Variants in GALK2 observed in about 807,000 individuals in gnomAD.
GALK2 encodes the protein galactokinase 2, also known as N-acetylgalactosamine kinase.
In GALK2, 36 loss-of-function variants were observed where a neutral mutation model predicts 52.4. The ratio of observed to expected loss-of-function variants is 0.69; its 90% confidence interval spans 0.53 to 0.91. The LOEUF (loss-of-function observed/expected upper bound fraction) is 0.91. Ranked by LOEUF, GALK2 falls within the 40% of genes least tolerant of loss-of-function variation. GALK2 has a pLI of 0.00. For missense variants in GALK2, 579 were observed against 559.1 expected, an observed-to-expected ratio of 1.04 and a Z score of -0.36; for synonymous variants, 176 against 199.1, an observed-to-expected ratio of 0.88 and a Z score of 0.98.
At chr15:49,180,787 C>T (rs2085897952) in intron 1 of GALK2, among the ~76,000 whole-genome samples, 1 of 152,190 alleles carries the variant, frequency 6.6e-6, no homozygotes, top group South Asian at 2.1e-4. Flanking sequence ...CCGTACCCCA[C>T]CTGTCTGACA....
intron 1 of GALK2, among the ~76,000 whole-genome samples, chr15:49,165,095 A>AACATAGTAG (rs1347593351): frequency 6.6e-6 from 1 of 152,192 alleles, no homozygotes; most frequent in Non-Finnish European, 1.5e-5. Flanking sequence ...TAGTGCTTAG[A>AACATAGTAG]ACATAGTAGC....
At chr15:49,235,490 C>T in intron 3 of GALK2, 2 of 352,248 alleles carry the variant, frequency 5.7e-6, no homozygotes, top group Non-Finnish European at 1.1e-5. Context: ...ACTCTTGTTT[C>T]AGTTTGGGGG....
chr15:49,327,782 T>G, intron 9 of GALK2, 170 bp from the exon 10 acceptor site: 1 of 541,994 alleles, frequency 1.8e-6, no homozygotes. Flanking sequence ...TCCAAATCAC[T>G]CTCTGAAACA....
chr15:49,327,729 T>TG (rs1459949494), intron 9 of GALK2: 2 of 407,634 alleles, frequency 4.9e-6, no homozygotes, highest in Non-Finnish European at 8.7e-6. Context: ...ACTTACCACT[T>TG]GGAGTCAAAA....
intron 8 of GALK2, among the ~76,000 whole-genome samples, chr15:49,315,793 C>T (rs1019363557): frequency 2.0e-5 from 3 of 152,112 alleles, no homozygotes; most frequent in South Asian, 2.1e-4. Flanking sequence ...AAGAAGAGAA[C>T]AGATTCAGGA....
chr15:49,303,274 A>ATGTGAACAT (rs1353675198), intron 8 of GALK2, among the ~76,000 whole-genome samples: 1 of 152,224 alleles, frequency 6.6e-6, no homozygotes, highest in African/African-American at 2.4e-5. Context: ...CTAAAAATGA[A>ATGTGAACAT]TGTGAACATA....
At chr15:49,182,894 G>C (rs969035354) in intron 1 of GALK2, among the ~76,000 whole-genome samples, 2 of 151,986 alleles carry the variant, frequency 1.3e-5, no homozygotes, top group African/African-American at 4.8e-5. Context: ...TTTAATCCCA[G>C]TCAGATAGTT....
At chr15:49,244,258 A>T (rs76056671) in intron 5 of GALK2, among the ~76,000 whole-genome samples, 3,029 of 151,524 alleles carry the variant, frequency 0.02, 85 homozygotes, top group South Asian at 0.078. Context: ...TTTTTTTTTT[A>T]AAATAATATT....
At chr15:49,248,547 A>G (rs1311288544) in intron 5 of GALK2, among the ~76,000 whole-genome samples, 1 of 152,228 alleles carries the variant, frequency 6.6e-6, no homozygotes, top group East Asian at 1.9e-4. Context: ...CCAGGAAGCT[A>G]TAGTGTTAGC....
At chr15:49,290,951 TTTTTG>T (rs1229836746) in intron 7 of GALK2, among the ~76,000 whole-genome samples, 1 of 152,100 alleles carries the variant, frequency 6.6e-6, no homozygotes, top group Non-Finnish European at 1.5e-5. Context: ...TTACTTTGTT[TTTTTG>T]TTTTGTTTTG....
chr15:49,228,688 T>TATATATATATATACATATA, intron 3 of GALK2, among the ~76,000 whole-genome samples: 2 of 10,444 alleles, frequency 1.9e-4, no homozygotes, highest in African/African-American at 3.4e-4. Flanking sequence ...TATATATATA[T>TATATATATATATACATATA]TTTTTTTTTT....
chr15:49,226,643 T>G (rs180920604), intron 3 of GALK2: 1 of 152,286 alleles, frequency 6.6e-6, no homozygotes, highest in Admixed American at 6.5e-5. Flanking sequence ...TGTTTCTTAT[T>G]GCTTTTCTAA....
At chr15:49,230,830 C>T (rs960724804) in intron 3 of GALK2, among the ~76,000 whole-genome samples, 6 of 152,044 alleles carry the variant, frequency 3.9e-5, no homozygotes, top group African/African-American at 1.4e-4. Flanking sequence ...ATTCTTTTCT[C>T]AGAATTCTAC....
At chr15:49,348,099 T>G (rs2041790153) in intron 3 of GALK2, among the ~76,000 whole-genome samples, 1 of 151,866 alleles carries the variant, frequency 6.6e-6, no homozygotes, top group South Asian at 2.1e-4. Context: ...TCTGGAAAAT[T>G]TAATTATGGG....
intron 5 of GALK2, among the ~76,000 whole-genome samples, chr15:49,240,191 A>G (rs968078315): frequency 6.6e-6 from 1 of 152,224 alleles, no homozygotes; most frequent in Non-Finnish European, 1.5e-5. Context: ...GTGTACATTA[A>G]TTAGCCCTTA....
intron 1 of GALK2, among the ~76,000 whole-genome samples, chr15:49,192,485 GTATATA>G (rs58230206): frequency 0.019 from 1,967 of 102,888 alleles, 26 homozygotes; most frequent in East Asian, 0.025. Flanking sequence ...ATATATATAT[GTATATA>G]TATATATATA....
intron 1 of GALK2, among the ~76,000 whole-genome samples, chr15:49,185,861 A>G (rs2086302068): frequency 1.3e-5 from 2 of 151,960 alleles, no homozygotes; most frequent in Non-Finnish European, 2.9e-5. Flanking sequence ...TTTGAAGGAT[A>G]TTTTTGCTGG....
Position 49,269,298 on chromosome 15 carries a change from C to T in GALK2, c.505-12689C>T, listed in dbSNP as rs191179403. Among the ~76,000 whole-genome samples the T allele has an allele frequency of 2.9e-3, 449 of 152,246 alleles. 5 individuals carry two copies. Among genetic ancestry groups the T allele is most frequent in the African/African-American group, 0.01 (426 of 41,532 alleles). On this transcript the variant is annotated intron_variant, in intron 5 of 9. Transcript: ENST00000560031. ...TGAATCTGCCCCTGAGGTACTTCTTCCATAGGGTATATTGTGCAGTGCAAG... is the reference window on the plus strand; with the variant it reads ...TGAATCTGCCCCTGAGGTACTTCTTTCATAGGGTATATTGTGCAGTGCAAG...
At chr15:49,188,023 A>G (rs1277738366) in intron 1 of GALK2, among the ~76,000 whole-genome samples, 1 of 152,028 alleles carries the variant, frequency 6.6e-6, no homozygotes, top group African/African-American at 2.4e-5. Context: ...CATGGCCAAC[A>G]CACTGGGAAT....
Sources: gnomAD v4.1 joint callset for allele counts (sites outside exome capture counted in the v4.1 genomes callset) on GRCh38, gnomAD v4.1.1 for gene constraint, MANE v1.5 for transcripts, NCBI Gene and HGNC (gene_info 2026-07-23, HGNC 2026-07-21) for gene names.